ZNF326: variants seen among roughly 807,000 people sequenced by gnomAD.
ZNF326 encodes zinc finger protein 326.
A neutral mutation model predicts 63.1 loss-of-function variants in ZNF326; 30 were observed. The ratio of observed to expected loss-of-function variants is 0.48; its 90% CI spans 0.36 to 0.64. ZNF326 has a LOEUF of 0.64. Ranked by LOEUF, ZNF326 falls within the 30% of genes least tolerant of loss-of-function variation. The pLI is 0.00. For synonymous variants in ZNF326, 194 were observed against 228.2 expected (o/e 0.85, Z 1.35); for missense variants, 609 against 720.3 (o/e 0.85, Z 1.77).
At position 90,032,185 on chromosome 1, in the gene ZNF326, C is replaced by T. The variant is rs1230109952; in HGVS notation, c.*4484C>T. ...CTTCTTCTTTCCCAGTCCTCTAATT[C>T]CCAGAGGTCTGTTGTGAATTCTAAT... On this transcript the variant is annotated 3_prime_UTR_variant, in exon 12 of 12. Transcript: ENST00000340281. 1 of 152,144 alleles carries T rather than the reference C, an allele frequency of 6.6e-6. No individual in the cohort carries two copies. The highest frequency in any genetic ancestry group is 1.5e-5 in the Non-Finnish European group (1 of 68,024). The allele number at this position is 152,144 out of a possible 1,614,324, so 9.4% of individuals were successfully genotyped here. A position where few individuals can be genotyped will look rare whatever the true frequency, so the allele number is the denominator to read the frequency against.
At chr1:90,003,379 GC>G (rs1370535503) in intron 2 of ZNF326, among the ~76,000 whole-genome samples, 1 of 152,116 alleles carries the variant, frequency 6.6e-6, no homozygotes, top group Non-Finnish European at 1.5e-5. Flanking sequence ...TGATCTACCT[GC>G]CTCGACCTCC....
In ZNF326 at chr1:90,029,526, T is replaced by A. The variant is rs189490442; in HGVS notation, c.*1825T>A. ...TACCCTCTTATTTCTCCTTTATTTTTAAAAATATTTGTGGAAGGGCTAAGG... is the reference window on the plus strand; with the variant it reads ...TACCCTCTTATTTCTCCTTTATTTTAAAAAATATTTGTGGAAGGGCTAAGG... On this transcript the variant is annotated 3_prime_UTR_variant, in exon 12 of 12. Coordinates refer to ENST00000340281, the MANE Select transcript of ZNF326 (RefSeq NM_182976.4). 3.5e-4 allele frequency: 53 copies of A among 152,288 alleles called. No homozygotes were observed. The highest frequency in any genetic ancestry group is 1.2e-3 in the African/African-American group (49 of 41,570). The allele number at this position is 152,288 out of a possible 1,614,324, so 9.4% of individuals were successfully genotyped here. A position where few individuals can be genotyped will look rare whatever the true frequency, so the allele number is the denominator to read the frequency against.
chr1:90,007,563 C>G lies in ZNF326; in HGVS notation c.428C>G (p.Pro143Arg). 1 of 1,613,770 alleles carries G rather than the reference C, an allele frequency of 6.2e-7. No individual in the cohort carries two copies. Among genetic ancestry groups the G allele is most frequent in the South Asian group, 1.1e-5 (1 of 91,046 alleles). The change falls in exon 5 of 12, where the codon CCT becomes CGT. Residue 143 changes from proline to arginine, a missense_variant. This residue lies in a region of ZNF326 where 113 missense variants were observed against 187.4 expected (regional missense o/e 0.60). Coordinates refer to ENST00000340281, the MANE Select transcript of ZNF326 (RefSeq NM_182976.4). This position sits in a 1 kb window ranked among gnomAD's most constrained non-coding sequence, Gnocchi z 4.9. ...EAPYSRSKLR[P>R]GFMEDRGREN... ...CCTTACTCCCGTTCAAAATTGAGGC[C>G]TGGGTTTATGGAGGACAGAGGAAGA...
rs764803908 is a variant in ZNF326, at chr1:90,031,558, C to CT, written c.*3873dup. ...TTTAGTGGCATTAATTACAAGCAAC[C>CT]TTTTTTTTTTTTTTTTGAGACATAG... is the stretch of plus-strand genomic sequence containing the variant. On this transcript the variant is annotated 3_prime_UTR_variant, in exon 12 of 12. Coordinates refer to ENST00000340281, the MANE Select transcript of ZNF326 (RefSeq NM_182976.4). 474 of 138,578 alleles carry CT rather than the reference C, an allele frequency of 3.4e-3. 1 individual carries two copies. Among genetic ancestry groups the CT allele is most frequent in the Middle Eastern group, 0.011 (3 of 268 alleles). 8.6% of individuals were successfully genotyped at this position (138,578 alleles called of 1,614,324 possible).
At position 90,007,762 on chromosome 1, in the gene ZNF326, A is replaced by G. The variant is rs780612017; in HGVS notation, c.615+12A>G. 3.0e-5 allele frequency: 45 copies of G among 1,489,124 alleles called. No individual in the cohort carries two copies. Among genetic ancestry groups the G allele is most frequent in the Non-Finnish European group, 3.8e-5 (43 of 1,118,200 alleles). The allele number at this position is 1,489,124 out of a possible 1,614,324, so 92.2% of individuals were successfully genotyped here. Reference sequence around the variant, plus strand: ...GCCGAGGCCGAGGAGTAAGTACAACAGAATCTTTTCAGATTCTTTTCACTA... The same window carrying G: ...GCCGAGGCCGAGGAGTAAGTACAACGGAATCTTTTCAGATTCTTTTCACTA... On this transcript the variant is annotated intron_variant, in intron 5 of 11. Coordinates refer to ENST00000340281, the MANE Select transcript of ZNF326 (RefSeq NM_182976.4). The surrounding 1 kb of genome is among the most constrained non-coding windows in gnomAD (Gnocchi z 4.9).
rs919403053 is a variant in ZNF326, at chr1:90,033,700, A to T, written c.*5999A>T. ...TTACAAGAAAAGATAAAAAAGATGGAAGTTACAGTAAAAGACATAGATGTA... is the reference window on the plus strand; with the variant it reads ...TTACAAGAAAAGATAAAAAAGATGGTAGTTACAGTAAAAGACATAGATGTA... On this transcript the variant is annotated 3_prime_UTR_variant, in exon 12 of 12. Transcript: ENST00000340281. 8 of 152,146 alleles carry T rather than the reference A, an allele frequency of 5.3e-5. No homozygotes were observed. The highest frequency in any genetic ancestry group is 1.9e-4 in the African/African-American group (8 of 41,434). The allele number at this position is 152,146 out of a possible 1,614,324, so 9.4% of individuals were successfully genotyped here.
chr1:89,999,384 A>C (rs559128291), intron 2 of ZNF326, among the ~76,000 whole-genome samples: 1 of 152,232 alleles, frequency 6.6e-6, no homozygotes, highest in South Asian at 2.1e-4. Context: ...GTTTGTAATG[A>C]TAAAAGGCCA....
At chr1:90,025,522 G>A (rs974931220) in intron 11 of ZNF326, among the ~76,000 whole-genome samples, 1 of 152,190 alleles carries the variant, frequency 6.6e-6, no homozygotes, top group African/African-American at 2.4e-5. Context: ...GGCAGTCTGA[G>A]ATTGATCCAG....
intron 7 of ZNF326, among the ~76,000 whole-genome samples, chr1:90,013,834 C>T (rs1032345198): frequency 5.3e-5 from 8 of 151,876 alleles, no homozygotes; most frequent in Admixed American, 1.3e-4. Context: ...GAGGCCGAGG[C>T]GGGCAGATCA....
Position 90,006,199 on chromosome 1 carries a change from T to A in ZNF326, c.209+955T>A, listed in dbSNP as rs368850527. 31 of 985,430 alleles carry A rather than the reference T, an allele frequency of 3.1e-5. No homozygotes were observed. In the East Asian group the frequency reaches 1.1e-3, roughly 36 times the overall value. The allele number at this position is 985,430 out of a possible 1,614,324, so 61.0% of individuals were successfully genotyped here. ...TGAACAGTTGCAACTATTTTGCTTATGTGATAGATGTTTTGAAAAATGTAG... is the reference window on the plus strand; with the variant it reads ...TGAACAGTTGCAACTATTTTGCTTAAGTGATAGATGTTTTGAAAAATGTAG... On this transcript the variant is annotated intron_variant, in intron 4 of 11. Transcript: ENST00000340281.
intron 6 of ZNF326, among the ~76,000 whole-genome samples, 187 bp from the exon 7 acceptor site, chr1:90,012,935 AAATG>A (rs1246697177): frequency 6.6e-6 from 1 of 152,108 alleles, no homozygotes; most frequent in Non-Finnish European, 1.5e-5. Context: ...GATGGTATTC[AAATG>A]AATGAAGTTC....
In ZNF326 at chr1:90,007,297, A is replaced by C. The variant is rs369779928; in HGVS notation, c.210-48A>C. ...TAATTTGTCTTTTGAATTGTCTAAC[A>C]TTAGTAAGCTTACTTTTGTTTTTTC... On this transcript the variant is annotated intron_variant, in intron 4 of 11. Transcript: ENST00000340281. The surrounding 1 kb of genome is among the most constrained non-coding windows in gnomAD (Gnocchi z 4.9). 4.6e-6 allele frequency: 7 copies of C among 1,524,248 alleles called. No homozygotes were observed. The African/African-American group carries it at 9.8e-5, about 21-fold the overall frequency. The allele number at this position is 1,524,248 out of a possible 1,614,324, so 94.4% of individuals were successfully genotyped here. A position where few individuals can be genotyped will look rare whatever the true frequency, so the allele number is the denominator to read the frequency against.
chr1:90,012,317 T>C (rs552477426), intron 6 of ZNF326, among the ~76,000 whole-genome samples: 12 of 152,296 alleles, frequency 7.9e-5, no homozygotes, highest in African/African-American at 2.6e-4. Flanking sequence ...ATGGGTGAAC[T>C]GTGAAAACAT....
intron 2 of ZNF326, among the ~76,000 whole-genome samples, chr1:89,999,551 T>C (rs1648568091): frequency 6.6e-6 from 1 of 152,246 alleles, no homozygotes; most frequent in African/African-American, 2.4e-5. Context: ...TTATAACTGG[T>C]TCTCATCTGA....
rs1650372171 is a variant in ZNF326, at chr1:90,033,722, T to C, written c.*6021T>C. 6.6e-6 allele frequency: 1 copy of C among 152,108 alleles called. No individual in the cohort carries two copies. Among genetic ancestry groups the C allele is most frequent in the South Asian group, 2.1e-4 (1 of 4,834 alleles). The allele number at this position is 152,108 out of a possible 1,614,324, so 9.4% of individuals were successfully genotyped here. A position where few individuals can be genotyped will look rare whatever the true frequency, so the allele number is the denominator to read the frequency against. On this transcript the variant is annotated 3_prime_UTR_variant, in exon 12 of 12. Transcript: ENST00000340281. Reference sequence around the variant, plus strand: ...TGGAAGTTACAGTAAAAGACATAGATGTATCTCTTAAAGACATAGAAAACC... The same window carrying C: ...TGGAAGTTACAGTAAAAGACATAGACGTATCTCTTAAAGACATAGAAAACC...
rs1000699664 is a variant in ZNF326, at chr1:90,033,628, A to G, written c.*5927A>G. 6.6e-6 allele frequency: 1 copy of G among 152,178 alleles called. No homozygotes were observed. Among genetic ancestry groups the G allele is most frequent in the Non-Finnish European group, 1.5e-5 (1 of 67,990 alleles). 9.4% of individuals were successfully genotyped at this position (152,178 alleles called of 1,614,324 possible). A position where few individuals can be genotyped will look rare whatever the true frequency, so the allele number is the denominator to read the frequency against. On this transcript the variant is annotated 3_prime_UTR_variant, in exon 12 of 12. Coordinates refer to ENST00000340281, the MANE Select transcript of ZNF326 (RefSeq NM_182976.4). ...GATTAGTTGAATAAACATGGCTGAG[A>G]ATCAAATTACTGAGCTAGAATTTTG... is the stretch of plus-strand genomic sequence containing the variant.
chr1:89,996,507 A>G (rs1358438335), intron 1 of ZNF326, among the ~76,000 whole-genome samples: 1 of 152,234 alleles, frequency 6.6e-6, no homozygotes, highest in African/African-American at 2.4e-5. Context: ...TCAGCTCTTA[A>G]GAGTAGCACA....
At chr1:90,022,806 A>G (rs916281645) in intron 11 of ZNF326, among the ~76,000 whole-genome samples, 2 of 152,186 alleles carry the variant, frequency 1.3e-5, no homozygotes, top group Admixed American at 1.3e-4. Flanking sequence ...CTTTTCTGTC[A>G]CTAGGAAGAC....
chr1:90,024,723 C>G (rs548386080), intron 11 of ZNF326, among the ~76,000 whole-genome samples: 10 of 152,178 alleles, frequency 6.6e-5, no homozygotes, highest in African/African-American at 2.4e-4. Context: ...TAAAGCCATT[C>G]TCCCACCTCG....
Sources: gnomAD v4.1 joint callset for allele counts (sites outside exome capture counted in the v4.1 genomes callset) on GRCh38, gnomAD v4.1.1 for gene constraint, gnomAD v4.1.1 regional missense constraint, Gnocchi (gnomAD v3.1) non-coding constraint, MANE v1.5 for transcripts, NCBI Gene and HGNC (gene_info 2026-07-23, HGNC 2026-07-21) for gene names.